TPST2: variants seen among roughly 807,000 people sequenced by gnomAD.
The protein encoded by TPST2 is protein-tyrosine sulfotransferase 2.
Under a neutral mutation model 27.8 loss-of-function variants are expected in TPST2, and 16 were observed. The observed-to-expected ratio is 0.58, with a 90% CI of 0.39 to 0.88. The LOEUF (loss-of-function observed/expected upper bound fraction) is 0.88, where lower values mean the gene tolerates loss of function less well. Ranked by LOEUF, TPST2 falls within the 40% of genes least tolerant of loss-of-function variation. TPST2 has a pLI of 0.00. For synonymous variants in TPST2, 229 were observed against 231.7 expected, an observed-to-expected ratio of 0.99 and a Z score of 0.10; for missense variants, 464 against 543.1, an observed-to-expected ratio of 0.85 and a Z score of 1.45.
At chr22:26,555,271 A>C (rs749890635) in intron 1 of TPST2, 1 of 528,224 alleles carries the variant, frequency 1.9e-6, no homozygotes, top group Non-Finnish European at 3.8e-6. Context: ...CACTGAAAGT[A>C]ATACCAAAGA....
intron 1 of TPST2, among the ~76,000 whole-genome samples, chr22:26,583,264 G>A (rs570007552): frequency 7.3e-5 from 11 of 151,290 alleles, no homozygotes; most frequent in East Asian, 2.0e-4. Context: ...GTGAAACCCC[G>A]TCTCTACCAA....
intron 1 of TPST2, among the ~76,000 whole-genome samples, chr22:26,589,074 C>T (rs577717331): frequency 1.9e-3 from 296 of 152,258 alleles, no homozygotes; most frequent in Middle Eastern, 3.4e-3. Flanking sequence ...CAGCCCGCCT[C>T]CTCAACATCC....
intron 1 of TPST2, among the ~76,000 whole-genome samples, chr22:26,585,672 G>A (rs1459947877): frequency 1.3e-5 from 2 of 152,156 alleles, no homozygotes; most frequent in South Asian, 4.1e-4. Context: ...TTCCAAGAAA[G>A]TACATTCTGG....
chr22:26,529,635 A>C (rs1002066518), intron 5 of TPST2, among the ~76,000 whole-genome samples: 1 of 152,180 alleles, frequency 6.6e-6, no homozygotes. Context: ...AGAGGCTGGG[A>C]GGGTGTCATG....
chr22:26,539,363 G>A (rs1271250289), intron 3 of TPST2, among the ~76,000 whole-genome samples: 1 of 152,190 alleles, frequency 6.6e-6, no homozygotes, highest in Non-Finnish European at 1.5e-5. Context: ...TCTCAGGATA[G>A]GGACAGCAGC....
chr22:26,577,593 C>T (rs967936338), intron 1 of TPST2, among the ~76,000 whole-genome samples: 26 of 150,890 alleles, frequency 1.7e-4, no homozygotes, highest in Admixed American at 1.3e-3. Flanking sequence ...TTGTAATCTG[C>T]CCGCCTTGGC....
intron 1 of TPST2, among the ~76,000 whole-genome samples, chr22:26,575,830 C>A (rs1224587025): frequency 1.3e-5 from 2 of 151,960 alleles, no homozygotes; most frequent in Non-Finnish European, 2.9e-5. Context: ...CCCGTATCTA[C>A]TAAAAATACA....
intron 1 of TPST2, among the ~76,000 whole-genome samples, chr22:26,574,389 C>T (rs1927749000): frequency 1.3e-5 from 2 of 152,188 alleles, no homozygotes; most frequent in Non-Finnish European, 1.5e-5. Flanking sequence ...AAAGCTCATG[C>T]ATAAGCCAGC....
intron 1 of TPST2, among the ~76,000 whole-genome samples, chr22:26,567,964 G>C (rs1927442514): frequency 6.6e-6 from 1 of 152,244 alleles, no homozygotes; most frequent in Admixed American, 6.5e-5. Flanking sequence ...TGGCAGGAGG[G>C]AAACCTGGTT....
chr22:26,582,132 G>A (rs908349201), intron 1 of TPST2, among the ~76,000 whole-genome samples: 6 of 152,174 alleles, frequency 3.9e-5, no homozygotes, highest in Non-Finnish European at 7.3e-5. Context: ...CTGCTAATCA[G>A]AATGTGCACT....
At chr22:26,576,566 G>A (rs1927843264) in intron 1 of TPST2, among the ~76,000 whole-genome samples, 1 of 152,098 alleles carries the variant, frequency 6.6e-6, no homozygotes, top group South Asian at 2.1e-4. Context: ...GGGTAGAAGT[G>A]TGAAAGCACA....
intron 1 of TPST2, among the ~76,000 whole-genome samples, chr22:26,545,329 G>A (rs934254661): frequency 4.6e-5 from 7 of 152,188 alleles, no homozygotes; most frequent in African/African-American, 1.7e-4. Context: ...GATGGAAAGA[G>A]TTTCACCATC....
intron 6 of TPST2, among the ~76,000 whole-genome samples, chr22:26,527,284 T>C (rs1242790028): frequency 6.6e-6 from 1 of 152,214 alleles, no homozygotes; most frequent in Non-Finnish European, 1.5e-5. Flanking sequence ...TCCTTTAACC[T>C]GATCATAGAG....
At chr22:26,580,645 C>G (rs1402772617) in intron 1 of TPST2, among the ~76,000 whole-genome samples, 1 of 152,138 alleles carries the variant, frequency 6.6e-6, no homozygotes, top group Non-Finnish European at 1.5e-5. Flanking sequence ...AAAACATGCC[C>G]TAATTAAAAA....
rs1602243454 is a variant in TPST2, at chr22:26,525,343, A to G, written c.*932T>C. 2 of 152,088 alleles carry G rather than the reference A, an allele frequency of 1.3e-5. No individual in the cohort carries two copies. The highest frequency in any genetic ancestry group is 4.8e-5 in the African/African-American group (2 of 41,258). 9.4% of individuals were successfully genotyped at this position (152,088 alleles called of 1,614,324 possible). A position where few individuals can be genotyped will look rare whatever the true frequency, so the allele number is the denominator to read the frequency against. ...CCTCCCAGGTTCAAGCCTCCTGAGT[A>G]GCTGGGATTACAGGTGCACACCACC... On this transcript the variant is annotated 3_prime_UTR_variant, in exon 7 of 7. Transcript: ENST00000338754.
chr22:26,565,911 G>A (rs1927356110), intron 1 of TPST2, among the ~76,000 whole-genome samples: 1 of 151,974 alleles, frequency 6.6e-6, no homozygotes, highest in South Asian at 2.1e-4. Flanking sequence ...AATCTGTACA[G>A]AGATTTCATA....
chr22:26,585,409 T>A (rs999266766), intron 1 of TPST2, among the ~76,000 whole-genome samples: 1 of 152,192 alleles, frequency 6.6e-6, no homozygotes, highest in Non-Finnish European at 1.5e-5. Context: ...CAAGCAGCTC[T>A]GAATGAATCA....
chr22:26,528,968 G>A (rs980546210), intron 5 of TPST2, among the ~76,000 whole-genome samples: 1 of 151,130 alleles, frequency 6.6e-6, no homozygotes, highest in African/African-American at 2.4e-5. Flanking sequence ...GGTGACAGAG[G>A]GAGACTAGGT....
At chr22:26,577,095 C>CAAAAAAAA in intron 1 of TPST2, among the ~76,000 whole-genome samples, 1 of 75,528 alleles carries the variant, frequency 1.3e-5, no homozygotes, top group Non-Finnish European at 2.5e-5. Flanking sequence ...GACTCTGTTG[C>CAAAAAAAA]AAAAAAAAAA....
Sources: gnomAD v4.1 joint callset for allele counts (sites outside exome capture counted in the v4.1 genomes callset) on GRCh38, gnomAD v4.1.1 for gene constraint, MANE v1.5 for transcripts, NCBI Gene and HGNC (gene_info 2026-07-23, HGNC 2026-07-21) for gene names.